LYPD6B: variants seen among roughly 807,000 people sequenced by gnomAD.
LYPD6B encodes LY6/PLAUR domain containing 6B, also known as ly6/PLAUR domain-containing protein 6B.
Under a neutral mutation model 22.8 loss-of-function variants are expected in LYPD6B, and 17 were observed. That is an observed-to-expected ratio of 0.75 (90% CI 0.51 to 1.12). LYPD6B has a LOEUF of 1.12. Ranked by LOEUF, LYPD6B falls within the 50% of genes most tolerant of loss-of-function variation. The pLI is 0.00. For synonymous variants in LYPD6B, 106 were observed against 91.6 expected, an observed-to-expected ratio of 1.16 and a Z score of -0.90; for missense variants, 221 against 258.3, an observed-to-expected ratio of 0.86 and a Z score of 0.99.
chr2:149,093,909 A>T (rs1193506906), intron 1 of LYPD6B, among the ~76,000 whole-genome samples: 1 of 152,196 alleles, frequency 6.6e-6, no homozygotes, highest in Non-Finnish European at 1.5e-5. Flanking sequence ...AATTCTTATT[A>T]ACACTTTGAA....
intron 1 of LYPD6B, among the ~76,000 whole-genome samples, chr2:149,072,901 G>A (rs1342484683): frequency 1.3e-5 from 2 of 152,162 alleles, no homozygotes; most frequent in Non-Finnish European, 2.9e-5. Flanking sequence ...GATGGAAGGA[G>A]GAGAGAGAAA....
intron 2 of LYPD6B, chr2:149,143,792 A>G (rs932378705): frequency 6.6e-6 from 1 of 152,222 alleles, no homozygotes; most frequent in Non-Finnish European, 1.5e-5. Flanking sequence ...CCCACTTTTA[A>G]TATTACTTTT....
intron 1 of LYPD6B, among the ~76,000 whole-genome samples, chr2:149,103,399 A>T (rs1038125990): frequency 6.6e-6 from 1 of 152,140 alleles, no homozygotes; most frequent in Non-Finnish European, 1.5e-5. Flanking sequence ...GTTCAAGAAA[A>T]TTTTTGCAAT....
chr2:149,052,702 C>T (rs1683618885), intron 1 of LYPD6B, among the ~76,000 whole-genome samples: 1 of 152,190 alleles, frequency 6.6e-6, no homozygotes, highest in Non-Finnish European at 1.5e-5. Context: ...GGGACTTGCT[C>T]AATTTGCAGC....
intron 4 of LYPD6B, 116 bp downstream of exon 4, chr2:149,205,520 A>C: frequency 1.8e-6 from 2 of 1,104,896 alleles, no homozygotes; most frequent in South Asian, 3.1e-5. Context: ...TTTTATCCCT[A>C]GAATAAAACA....
rs573763187 is a variant in LYPD6B at position 149,122,684 on chromosome 2, C to A, written c.-66-8199C>A. Among the ~76,000 whole-genome samples, 3 of 151,440 alleles carry A rather than the reference C, an allele frequency of 2.0e-5. No individual in the cohort carries two copies. The South Asian group carries it at 6.2e-4, about 31-fold the overall frequency. On this transcript the variant is annotated intron_variant, in intron 1 of 6. Transcript: ENST00000409642. ...AGCATGTTTCTCATTTCAGTACATA[C>A]TCAGGGCAGCTTGTCTGTGTAACCA...
intron 3 of LYPD6B, among the ~76,000 whole-genome samples, chr2:149,174,985 A>G (rs1691164124): frequency 6.6e-6 from 1 of 151,932 alleles, no homozygotes; most frequent in Non-Finnish European, 1.5e-5. Context: ...TGAAGGGAAG[A>G]GATATATAAT....
At chr2:149,124,609 T>A (rs972868789) in intron 1 of LYPD6B, among the ~76,000 whole-genome samples, 4 of 152,198 alleles carry the variant, frequency 2.6e-5, no homozygotes, top group African/African-American at 9.7e-5. Flanking sequence ...TATTAGCCGT[T>A]ATTGCCACTG....
intron 1 of LYPD6B, among the ~76,000 whole-genome samples, chr2:149,102,029 C>A (rs1317490744): frequency 6.6e-6 from 1 of 152,194 alleles, no homozygotes; most frequent in East Asian, 1.9e-4. Context: ...AAAGAGAGAG[C>A]TGCACGTAGA....
intron 1 of LYPD6B, among the ~76,000 whole-genome samples, chr2:149,092,394 G>A (rs1020416120): frequency 6.6e-6 from 1 of 152,184 alleles, no homozygotes; most frequent in African/African-American, 2.4e-5. Flanking sequence ...CCAGGTATCA[G>A]TGAGTATGTG....
chr2:149,118,883 A>C (rs1383551548), intron 1 of LYPD6B, among the ~76,000 whole-genome samples: 1 of 152,296 alleles, frequency 6.6e-6, no homozygotes, highest in East Asian at 1.9e-4. Flanking sequence ...ACACAAACAC[A>C]ATGTTTGGGC....
intron 1 of LYPD6B, among the ~76,000 whole-genome samples, chr2:149,041,388 A>C (rs577085890): frequency 1.2e-4 from 18 of 152,300 alleles, no homozygotes; most frequent in African/African-American, 4.1e-4. Flanking sequence ...CTTTCTCTAG[A>C]TAATAAAGGA....
intron 3 of LYPD6B, among the ~76,000 whole-genome samples, chr2:149,198,327 C>T (rs1387237418): frequency 6.6e-6 from 1 of 152,166 alleles, no homozygotes; most frequent in African/African-American, 2.4e-5. Context: ...CAGGCATGAG[C>T]CACCGCGCCT....
chr2:149,045,610 T>G (rs1683272485), intron 1 of LYPD6B, among the ~76,000 whole-genome samples: 1 of 152,130 alleles, frequency 6.6e-6, no homozygotes, highest in Admixed American at 6.5e-5. Flanking sequence ...TCACTTAGTT[T>G]AAATATTTTA....
chr2:149,177,249 A>G (rs1691383849), intron 3 of LYPD6B, among the ~76,000 whole-genome samples: 1 of 152,202 alleles, frequency 6.6e-6, no homozygotes, highest in South Asian at 2.1e-4. Context: ...CCATTCTTCA[A>G]ATGCATTTCC....
At chr2:149,113,397 A>T (rs1349912369) in intron 1 of LYPD6B, among the ~76,000 whole-genome samples, 1 of 152,156 alleles carries the variant, frequency 6.6e-6, no homozygotes, top group Non-Finnish European at 1.5e-5. Flanking sequence ...GGGGAAAAGG[A>T]TGGAAGGATA....
intron 1 of LYPD6B, chr2:149,118,249 C>T (rs1057207807): frequency 3.3e-5 from 5 of 152,274 alleles, no homozygotes; most frequent in South Asian, 2.1e-4. Context: ...CCACCACTAC[C>T]GAGGCTGGGT....
At chr2:149,159,624 GTA>G (rs1491405382) in intron 2 of LYPD6B, among the ~76,000 whole-genome samples, 4 of 138,780 alleles carry the variant, frequency 2.9e-5, no homozygotes, top group South Asian at 2.2e-4. Flanking sequence ...GTGTGTGTGT[GTA>G]TAGAAAGAGA....
intron 5 of LYPD6B, among the ~76,000 whole-genome samples, chr2:149,210,772 CTTT>C (rs1005685811): frequency 5.9e-5 from 9 of 152,214 alleles, no homozygotes; most frequent in African/African-American, 2.2e-4. Context: ...TTCGATTCTT[CTTT>C]GTTTAGAGTG....
Sources: allele counts gnomAD v4.1 joint callset (sites outside exome capture counted in the v4.1 genomes callset), GRCh38; gene constraint gnomAD v4.1.1; transcripts MANE v1.5; gene names NCBI Gene and HGNC (gene_info 2026-07-23, HGNC 2026-07-21).